Variants in DNASE1 observed in about 807,000 individuals in gnomAD.
DNASE1 encodes the protein deoxyribonuclease 1, also known as deoxyribonuclease-1.
A neutral mutation model predicts 33.9 loss-of-function variants in DNASE1; 40 were observed. That is an observed-to-expected ratio of 1.18 (90% confidence interval 0.92 to 1.54). The LOEUF is 1.54. DNASE1 is among the 40% of genes most tolerant of loss of function. The probability of loss-of-function intolerance (pLI) is 0.00; values close to 1 mark genes in which losing one functional copy is unlikely to be tolerated. For missense variants in DNASE1, 518 were observed against 372.6 expected, an observed-to-expected ratio of 1.39 and a Z score of -3.21; for synonymous variants, 216 against 160.0, an observed-to-expected ratio of 1.35 and a Z score of -2.64.
intron 5 of DNASE1, 91 bp from the exon 6 acceptor site, chr16:3,656,908 G>C (rs1232343770): frequency 6.4e-7 from 1 of 1,557,822 alleles, no homozygotes; most frequent in Non-Finnish European, 8.7e-7. Flanking sequence ...CCACCCCCCG[G>C]GGGGACTGTC....
chr16:3,662,639 T>G, downstream of DNASE1: 1 of 672,612 alleles, frequency 1.5e-6, no homozygotes, highest in Non-Finnish European at 2.7e-6. Flanking sequence ...GGATGCTGGT[T>G]TTTCAGTTCT....
At chr16:3,619,969 G>A (rs892329577) in intron 1 of DNASE1, among the ~76,000 whole-genome samples, 7 of 146,820 alleles carry the variant, frequency 4.8e-5, no homozygotes, top group Non-Finnish European at 8.9e-5. Flanking sequence ...AGGCTGGAGT[G>A]CAGTGGCATA....
At chr16:3,640,081 G>A (rs372072384), upstream of DNASE1, among the ~76,000 whole-genome samples, 6 of 152,178 alleles carry the variant, frequency 3.9e-5, no homozygotes, top group East Asian at 1.9e-4. Context: ...TAAGGGTGAT[G>A]GCCTTCTGCG....
At chr16:3,619,928 T>G (rs1330964606) in intron 1 of DNASE1, among the ~76,000 whole-genome samples, 2 of 151,606 alleles carry the variant, frequency 1.3e-5, no homozygotes, top group Non-Finnish European at 3.0e-5. Flanking sequence ...TTTTTTTTTT[T>G]TTTTTGAGAC....
chr16:3,624,763 C>T (rs1422259502), intron 1 of DNASE1, among the ~76,000 whole-genome samples: 1 of 152,226 alleles, frequency 6.6e-6, no homozygotes, highest in East Asian at 1.9e-4. Context: ...TCACTGCATC[C>T]TCTGCCTCCC....
At chr16:3,664,347 T>G (rs1452048274) in exon 10 of DNASE1, 4 of 1,612,070 alleles carry the variant, frequency 2.5e-6, no homozygotes, top group Non-Finnish European at 8.5e-7. Flanking sequence ...GGCGCACAGG[T>G]AGTAGATGTT....
At position 3,658,024 on chromosome 16, in the gene DNASE1, G is replaced by A; in HGVS notation, c.*71G>A. ...TCCTGCCACAGGACCCAGAAAAAAAGCCCAACACACACTCGGGTTAAGAAA... is the reference window on the plus strand; with the variant it reads ...TCCTGCCACAGGACCCAGAAAAAAAACCCAACACACACTCGGGTTAAGAAA... On this transcript the variant is annotated 3_prime_UTR_variant, in exon 9 of 9. Transcript: ENST00000246949. 6.2e-7 allele frequency: 1 copy of A among 1,610,538 alleles called. No individual in the cohort carries two copies. Among genetic ancestry groups the A allele is most frequent in the Non-Finnish European group, 8.5e-7 (1 of 1,178,018 alleles).
upstream of DNASE1, among the ~76,000 whole-genome samples, chr16:3,638,263 T>G (rs1360099709): frequency 3.9e-5 from 6 of 152,182 alleles, no homozygotes; most frequent in Non-Finnish European, 5.9e-5. Context: ...TTTTAAGACT[T>G]TTTAATTTAA....
chr16:3,615,360 CA>C (rs1196160826), intron 1 of DNASE1, among the ~76,000 whole-genome samples: 2 of 152,206 alleles, frequency 1.3e-5, no homozygotes, highest in East Asian at 3.8e-4. Flanking sequence ...TGAACAATGG[CA>C]GCCACCTTGT....
At chr16:3,645,327 G>A (rs574173827) in intron 1 of DNASE1, among the ~76,000 whole-genome samples, 11 of 152,236 alleles carry the variant, frequency 7.2e-5, no homozygotes, top group African/African-American at 2.6e-4. Context: ...AGGTGGCTTC[G>A]GAATTGGGGG....
downstream of DNASE1, chr16:3,658,848 T>G (rs754758145): frequency 6.2e-7 from 1 of 1,614,070 alleles, no homozygotes; most frequent in East Asian, 2.2e-5. Context: ...CTGATTCAGC[T>G]TCTTGATGAG....
chr16:3,622,049 C>T (rs987696639), intron 1 of DNASE1, among the ~76,000 whole-genome samples: 41 of 152,042 alleles, frequency 2.7e-4, no homozygotes, highest in Non-Finnish European at 5.6e-4. Context: ...GTTGAAACCC[C>T]GTCTTTACTA....
chr16:3,641,654 G>C (rs8045058), upstream of DNASE1, among the ~76,000 whole-genome samples: 67,048 of 152,080 alleles, frequency 0.44, 17,217 homozygotes, highest in African/African-American at 0.72. Context: ...TGCACGTGTC[G>C]CGGCCCCCAG....
chr16:3,616,976 T>A (rs1310968408), intron 1 of DNASE1, among the ~76,000 whole-genome samples: 1 of 152,066 alleles, frequency 6.6e-6, no homozygotes, highest in Non-Finnish European at 1.5e-5. Context: ...TTACCTCATA[T>A]CATGTACAAA....
upstream of DNASE1, among the ~76,000 whole-genome samples, chr16:3,641,511 A>G (rs1333301026): frequency 6.6e-6 from 1 of 152,170 alleles, no homozygotes; most frequent in Non-Finnish European, 1.5e-5. Context: ...TCCACCGACC[A>G]CAGGCTTGGG....
chr16:3,628,717 C>G (rs2041602390), intron 1 of DNASE1, among the ~76,000 whole-genome samples: 1 of 151,370 alleles, frequency 6.6e-6, no homozygotes, highest in African/African-American at 2.4e-5. Context: ...CGCCACCACG[C>G]CCGGCTAATT....
At chr16:3,662,707 C>T (rs529349755), downstream of DNASE1, 140 of 706,170 alleles carry the variant, frequency 2.0e-4, no homozygotes, top group African/African-American at 2.1e-3. Flanking sequence ...CCTGCCTCAG[C>T]GGCACTCCCG....
chr16:3,654,333 C>T (rs2042458831), upstream of DNASE1: 2 of 398,632 alleles, frequency 5.0e-6, no homozygotes, highest in South Asian at 1.3e-4. Context: ...GTGCTGCAGG[C>T]CCCCACCACT....
Position 3,657,058 on chromosome 16 carries a change from AT to A in DNASE1, c.497del (p.Ile166ThrfsTer22), listed in dbSNP as rs1448666458. 2.5e-6 allele frequency: 4 copies of A among 1,613,814 alleles called. No homozygotes were observed. The highest frequency in any genetic ancestry group is 3.4e-6 in the Non-Finnish European group (4 of 1,179,984). ...GGCCCCGGGGGACGCAGTAGCCGAG[AT>A]CGACGCTCTCTATGACGTCTACCTG... Reference protein sequence around the residue: ...HAAPGDAVAEIDALYDVYLDV... With the variant: ...HAAPGDAVAEXDALYDVYLDV... On this transcript the variant is annotated frameshift_variant, in exon 6 of 9. Coordinates refer to ENST00000246949, the MANE Select transcript of DNASE1 (RefSeq NM_005223.4). LOFTEE classifies it high-confidence loss of function.
Sources: allele counts gnomAD v4.1 joint callset (sites outside exome capture counted in the v4.1 genomes callset), GRCh38; gene constraint gnomAD v4.1.1; transcripts MANE v1.5; gene names NCBI Gene and HGNC (gene_info 2026-07-23, HGNC 2026-07-21).